The following CCDC62 variants were observed in gnomAD, a reference collection of about 807,000 sequenced individuals.
CCDC62 encodes the protein coiled-coil domain-containing protein 62.
A neutral mutation model predicts 80.8 loss-of-function variants in CCDC62; 72 were observed. That is an observed-to-expected ratio of 0.89 (90% confidence interval 0.74 to 1.08). The LOEUF (loss-of-function observed/expected upper bound fraction) is 1.08. CCDC62 is among the 50% of genes least tolerant of loss of function. The pLI is 0.00. For synonymous variants in CCDC62, 286 were observed against 296.5 expected, an observed-to-expected ratio of 0.96 and a Z score of 0.36; for missense variants, 704 against 809.4, an observed-to-expected ratio of 0.87 and a Z score of 1.58.
intron 11 of CCDC62, among the ~76,000 whole-genome samples, chr12:122,814,991 C>G (rs1346441385): frequency 2.0e-5 from 3 of 151,000 alleles, no homozygotes; most frequent in African/African-American, 7.3e-5. Context: ...ACTGCCATGC[C>G]CACTCTGTTT....
At chr12:122,815,279 A>G (rs953240225) in intron 11 of CCDC62, among the ~76,000 whole-genome samples, 6 of 143,246 alleles carry the variant, frequency 4.2e-5, no homozygotes, top group East Asian at 2.2e-4. Context: ...GGGTCCCACA[A>G]TGTTGCCCAG....
At chr12:122,804,875 T>C (rs560694060) in intron 9 of CCDC62, among the ~76,000 whole-genome samples, 1 of 130,340 alleles carries the variant, frequency 7.7e-6, no homozygotes, top group Admixed American at 9.7e-5. Flanking sequence ...TCACTGCACT[T>C]GGTTCCATTT....
At position 122,823,419 on chromosome 12, in the gene CCDC62, A is replaced by G; in HGVS notation, c.2055A>G (p.Ter685TrpextTer28). 6.2e-7 allele frequency: 1 copy of G among 1,608,940 alleles called. No individual in the cohort carries two copies. The highest frequency in any genetic ancestry group is 8.5e-7 in the Non-Finnish European group (1 of 1,175,310). ...SAQKNTFVSY[*>W] The stretch of plus-strand genomic sequence containing the variant: ...AAAAAAATACCTTTGTCAGTTATTG[A>G]AGGAAACAAAAGGCAACTTCAGTAT... Residue 685 changes from the stop codon to tryptophan, a stop_lost, in exon 12 of 13, where the codon TGA becomes TGG. Transcript: ENST00000253079.
intron 11 of CCDC62, among the ~76,000 whole-genome samples, chr12:122,815,477 G>A (rs1235586986): frequency 1.3e-5 from 2 of 150,872 alleles, no homozygotes; most frequent in Non-Finnish European, 2.9e-5. Flanking sequence ...ACGGAGTCTC[G>A]CTCTGTCGCC....
chr12:122,826,715 G>T lies in CCDC62; in HGVS notation c.*334G>T, dbSNP rs2032645775. 2 of 348,278 alleles carry T rather than the reference G, an allele frequency of 5.7e-6. No individual in the cohort carries two copies. The highest frequency in any genetic ancestry group is 4.7e-5 in the Admixed American group (1 of 21,462). 21.6% of individuals were successfully genotyped at this position (348,278 alleles called of 1,614,324 possible). On this transcript the variant is annotated 3_prime_UTR_variant, in exon 13 of 13. Coordinates refer to ENST00000253079, the MANE Select transcript of CCDC62 (RefSeq NM_201435.5). ...AGATACGGACTACAGTTAAATGCTAGAGAAGCTCTTTAAAAATGTGAATGT... is the reference window on the plus strand; with the variant it reads ...AGATACGGACTACAGTTAAATGCTATAGAAGCTCTTTAAAAATGTGAATGT...
chr12:122,810,299 C>A (rs2135575080), intron 10 of CCDC62, among the ~76,000 whole-genome samples: 1 of 152,260 alleles, frequency 6.6e-6, no homozygotes, highest in Admixed American at 6.5e-5. Context: ...CCAGAATCTA[C>A]AATGAACTCC....
intron 10 of CCDC62, among the ~76,000 whole-genome samples, chr12:122,812,831 A>G (rs531715631): frequency 3.6e-5 from 5 of 138,924 alleles, no homozygotes; most frequent in Admixed American, 7.3e-5. Flanking sequence ...AAGAAAGAAA[A>G]GGAATGAATT....
At chr12:122,817,799 CAT>C (rs1491369416) in intron 11 of CCDC62, among the ~76,000 whole-genome samples, 2 of 151,694 alleles carry the variant, frequency 1.3e-5, no homozygotes, top group African/African-American at 2.4e-5. Flanking sequence ...TGTGCCTGCA[CAT>C]GTGTGTGTGT....
At chr12:122,777,824 T>C (rs975908836) in intron 2 of CCDC62, 141 bp downstream of exon 2, 10 of 694,570 alleles carry the variant, frequency 1.4e-5, no homozygotes, top group Non-Finnish European at 7.2e-6. Flanking sequence ...AGGAGGACTT[T>C]ATGAACAGCC....
At chr12:122,809,961 G>A (rs1173310893) in intron 10 of CCDC62, among the ~76,000 whole-genome samples, 2 of 152,056 alleles carry the variant, frequency 1.3e-5, no homozygotes, top group Non-Finnish European at 1.5e-5. Flanking sequence ...AAACTGGCTA[G>A]CCATATGCTG....
rs1196512393 is a variant in CCDC62, at chr12:122,801,594, A to G, written c.1448A>G (p.Asp483Gly). Residue 483 changes from aspartate to glycine, a missense_variant, in exon 9 of 13, where the codon GAT becomes GGT. Transcript: ENST00000253079. ...CPSSKHPEKL[D>G]VECQDQMERS... is the part of the protein sequence containing the mutation. ...AGTTCAAAACATCCAGAAAAGCTGGATGTAGAATGTCAAGATCAGATGGAA... is the reference window on the plus strand; with the variant it reads ...AGTTCAAAACATCCAGAAAAGCTGGGTGTAGAATGTCAAGATCAGATGGAA... The G allele has an allele frequency of 1.9e-6, 3 of 1,614,022 alleles. No individual in the cohort carries two copies. The highest frequency in any genetic ancestry group is 1.3e-5 in the African/African-American group (1 of 74,916).
chr12:122,825,110 A>T (rs1056979108), intron 12 of CCDC62, among the ~76,000 whole-genome samples: 2 of 151,752 alleles, frequency 1.3e-5, no homozygotes, highest in Non-Finnish European at 2.9e-5. Flanking sequence ...AAAGAAAAAA[A>T]ATTATAGCTG....
Position 122,788,780 on chromosome 12 carries a change from T to C in CCDC62, c.521T>C (p.Val174Ala), listed in dbSNP as rs767728352. 5.1e-6 allele frequency: 8 copies of C among 1,577,128 alleles called. No homozygotes were observed. The East Asian group carries it at 6.8e-5, about 13-fold the overall frequency. ...TAGGACAAAGATATTATTGAGGCAG[T>C]TAATCACATTGCAGATTGTTCGGGT... ...KLKDKDIIEA[V>A]NHIADCSGKF... The change falls in exon 5 of 13, where the codon GTT (valine) becomes GCT (alanine). Residue 174 changes from valine (V) to alanine (A), a missense_variant. Val to Ala is a moderately conservative substitution (Grantham distance 64). Coordinates refer to ENST00000253079, the MANE Select transcript of CCDC62 (RefSeq NM_201435.5).
At chr12:122,823,863 G>A (rs541568027) in intron 12 of CCDC62, among the ~76,000 whole-genome samples, 116 of 152,134 alleles carry the variant, frequency 7.6e-4, no homozygotes, top group Non-Finnish European at 1.4e-3. Context: ...GTGGGCGCCT[G>A]TAATCCCAGC....
intron 11 of CCDC62, among the ~76,000 whole-genome samples, chr12:122,816,601 C>A (rs2032175802): frequency 6.6e-6 from 1 of 152,036 alleles, no homozygotes; most frequent in Admixed American, 6.6e-5. Flanking sequence ...GACACACTGC[C>A]ATGCACCAGT....
chr12:122,820,122 A>G (rs965360043), intron 11 of CCDC62, among the ~76,000 whole-genome samples: 4 of 151,806 alleles, frequency 2.6e-5, no homozygotes, highest in African/African-American at 9.7e-5. Context: ...ATAAGAATAT[A>G]TATTTGCACA....
intron 11 of CCDC62, among the ~76,000 whole-genome samples, chr12:122,819,243 T>A (rs1159106524): frequency 6.6e-6 from 1 of 152,172 alleles, no homozygotes; most frequent in Admixed American, 6.5e-5. Flanking sequence ...ATAATTTTGT[T>A]TAAAAATTCT....
At chr12:122,785,276 G>A (rs751931288) in intron 3 of CCDC62, among the ~76,000 whole-genome samples, 5 of 152,004 alleles carry the variant, frequency 3.3e-5, no homozygotes, top group Non-Finnish European at 4.4e-5. Flanking sequence ...AAGTTCTTTC[G>A]ACAAAGAATA....
intron 1 of CCDC62, 94 bp from the exon 2 acceptor site, chr12:122,777,397 C>A (rs1311462626): frequency 9.6e-7 from 1 of 1,039,208 alleles, no homozygotes; most frequent in African/African-American, 1.6e-5. Flanking sequence ...TAGAATTGGC[C>A]GCAAAAGAAG....
Sources: gnomAD v4.1 joint callset for allele counts (sites outside exome capture counted in the v4.1 genomes callset) on GRCh38, gnomAD v4.1.1 for gene constraint, MANE v1.5 for transcripts, NCBI Gene and HGNC (gene_info 2026-07-23, HGNC 2026-07-21) for gene names.